Variants in CYP2C19 observed in about 807,000 individuals in gnomAD.
CYP2C19 encodes the protein cytochrome P450 2C19.
Under a neutral mutation model 40.9 loss-of-function variants are expected in CYP2C19, and 59 were observed. That is an observed-to-expected ratio of 1.44 (90% CI 1.17 to 1.79). The LOEUF (loss-of-function observed/expected upper bound fraction) is 1.79, where lower values mean the gene tolerates loss of function less well. CYP2C19 is among the 40% of genes most tolerant of loss of function. The probability of loss-of-function intolerance (pLI) is 0.00; values close to 1 mark genes in which losing one functional copy is unlikely to be tolerated. For missense variants in CYP2C19, 754 were observed against 596.9 expected, an observed-to-expected ratio of 1.26 and a Z score of -2.74; for synonymous variants, 253 against 208.7, an observed-to-expected ratio of 1.21 and a Z score of -1.83.
At chr10:94,849,687 T>A (rs991632873) in intron 7 of CYP2C19, among the ~76,000 whole-genome samples, 3 of 137,008 alleles carry the variant, frequency 2.2e-5, no homozygotes, top group Non-Finnish European at 4.6e-5. Flanking sequence ...TGTGTCCATG[T>A]GTTCTCATTG....
intron 3 of CYP2C19, chr10:94,776,315 T>G (rs1848407905): frequency 2.0e-5 from 3 of 152,276 alleles, no homozygotes; most frequent in African/African-American, 7.2e-5. Flanking sequence ...TGGCTCTGTT[T>G]CATTTTGCTT....
chr10:94,796,370 A>C (rs1199447716), intron 5 of CYP2C19, among the ~76,000 whole-genome samples: 5 of 151,876 alleles, frequency 3.3e-5, no homozygotes, highest in Non-Finnish European at 1.5e-5. Context: ...CATATGGTAC[A>C]AGTACCATGC....
At chr10:94,771,737 G>T (rs970546081) in intron 1 of CYP2C19, among the ~76,000 whole-genome samples, 2 of 152,056 alleles carry the variant, frequency 1.3e-5, no homozygotes, top group Non-Finnish European at 2.9e-5. Flanking sequence ...CCTGGACCCT[G>T]CTGATCAGAA....
At chr10:94,797,545 T>A (rs1305489541) in intron 5 of CYP2C19, among the ~76,000 whole-genome samples, 1 of 152,084 alleles carries the variant, frequency 6.6e-6, no homozygotes, top group African/African-American at 2.4e-5. Context: ...TCTTGGTTGG[T>A]ATAATTTCAG....
intron 4 of CYP2C19, among the ~76,000 whole-genome samples, chr10:94,780,945 C>T (rs528048257): frequency 4.6e-5 from 7 of 152,202 alleles, no homozygotes; most frequent in Non-Finnish European, 1.0e-4. Context: ...GGTGACAGCC[C>T]CAAAGCGTGC....
intron 3 of CYP2C19, chr10:94,776,229 C>G (rs1848406989): frequency 6.6e-6 from 1 of 152,078 alleles, no homozygotes; most frequent in Non-Finnish European, 1.5e-5. Flanking sequence ...ACACAAATGT[C>G]TATTTATAAA....
intron 5 of CYP2C19, among the ~76,000 whole-genome samples, chr10:94,817,501 T>G (rs1231918013): frequency 1.4e-5 from 2 of 145,232 alleles, no homozygotes; most frequent in East Asian, 2.0e-4. Context: ...ATGAGTAGGT[T>G]GCGAAAATTT....
chr10:94,827,603 C>CA (rs930673459), intron 6 of CYP2C19, among the ~76,000 whole-genome samples: 5 of 152,006 alleles, frequency 3.3e-5, no homozygotes, highest in African/African-American at 9.6e-5. Flanking sequence ...TTGATCCTTT[C>CA]AAAAAAACCA....
At chr10:94,790,867 A>G (rs967649966) in intron 5 of CYP2C19, among the ~76,000 whole-genome samples, 14 of 152,132 alleles carry the variant, frequency 9.2e-5, no homozygotes, top group Non-Finnish European at 1.9e-4. Context: ...TGGTATCAGT[A>G]TGATACTGGC....
At chr10:94,803,097 T>C (rs1848788141) in intron 5 of CYP2C19, among the ~76,000 whole-genome samples, 1 of 152,172 alleles carries the variant, frequency 6.6e-6, no homozygotes, top group South Asian at 2.1e-4. Flanking sequence ...GCTGGGGAGT[T>C]AGTGTGGTCT....
intron 5 of CYP2C19, among the ~76,000 whole-genome samples, chr10:94,817,906 G>C (rs1849035626): frequency 6.7e-6 from 1 of 149,966 alleles, no homozygotes; most frequent in Admixed American, 6.7e-5. Flanking sequence ...CCAGCTACTT[G>C]GGAGGCTGAG....
chr10:94,772,091 C>T, intron 1 of CYP2C19, among the ~76,000 whole-genome samples: 1 of 152,034 alleles, frequency 6.6e-6, no homozygotes, highest in Non-Finnish European at 1.5e-5. Flanking sequence ...ATGTTATGCC[C>T]CAAAAATGAA....
intron 6 of CYP2C19, among the ~76,000 whole-genome samples, chr10:94,840,981 G>C: frequency 6.6e-6 from 1 of 152,190 alleles, no homozygotes; most frequent in East Asian, 1.9e-4. Context: ...TTACCGCTTT[G>C]GATGTCCCTT....
intron 6 of CYP2C19, among the ~76,000 whole-genome samples, chr10:94,829,633 C>A (rs193084794): frequency 7.8e-4 from 119 of 151,990 alleles, no homozygotes; most frequent in Non-Finnish European, 1.3e-3. Context: ...ATTTGATCGT[C>A]TGAAGCCTTC....
Position 94,852,830 on chromosome 10 carries a change from C to G in CYP2C19, c.1389C>G (p.Asp463Glu). 6.2e-7 allele frequency: 1 copy of G among 1,614,066 alleles called. No individual in the cohort carries two copies. The highest frequency in any genetic ancestry group is 8.5e-7 in the Non-Finnish European group (1 of 1,179,982). The stretch of plus-strand genomic sequence containing the variant: ...ACTTTAACCTGAAATCTCTGATTGA[C>G]CCAAAGGACCTTGACACAACTCCTG... Reference protein sequence around the residue: ...LQNFNLKSLIDPKDLDTTPVV... With the variant: ...LQNFNLKSLIEPKDLDTTPVV... Residue 463 changes from aspartate (D) to glutamate (E), a missense_variant, in exon 9 of 9, where the codon GAC becomes GAG. Physicochemically the swap from Asp to Glu is conservative, Grantham distance 45. Transcript: ENST00000371321.
intron 7 of CYP2C19, among the ~76,000 whole-genome samples, chr10:94,846,149 G>A (rs1420496658): frequency 6.6e-6 from 1 of 152,010 alleles, no homozygotes; most frequent in Non-Finnish European, 1.5e-5. Context: ...CAAGAAACAG[G>A]CACATAATTC....
intron 1 of CYP2C19, among the ~76,000 whole-genome samples, chr10:94,772,939 G>A (rs974745089): frequency 7.2e-5 from 11 of 151,994 alleles, no homozygotes; most frequent in South Asian, 4.1e-4. Flanking sequence ...CCGCCACCGC[G>A]CCCGGCTAAT....
rs1322073734 is a variant in CYP2C19, at chr10:94,854,306, A to ACT, written c.*1393_*1394dup. ...ACTGCTGGGCTTACAGGCGTGAGCC[A>ACT]CTGCACCTGGCTGAACAAAATTTCT... On this transcript the variant is annotated 3_prime_UTR_variant, in exon 9 of 9. Transcript: ENST00000371321. Among the ~76,000 whole-genome samples the ACT allele has an allele frequency of 6.6e-6, 1 of 152,186 alleles. No homozygotes were observed. The highest frequency in any genetic ancestry group is 2.4e-5 in the African/African-American group (1 of 41,442).
intron 5 of CYP2C19, among the ~76,000 whole-genome samples, chr10:94,816,623 A>G (rs1472791597): frequency 2.7e-5 from 4 of 150,688 alleles, no homozygotes; most frequent in African/African-American, 9.8e-5. Context: ...ACATGTGCAC[A>G]TTGTGCAGGT....
Sources: allele counts gnomAD v4.1 joint callset (sites outside exome capture counted in the v4.1 genomes callset), GRCh38; gene constraint gnomAD v4.1.1; transcripts MANE v1.5; gene names NCBI Gene and HGNC (gene_info 2026-07-23, HGNC 2026-07-21).